The following PKHD1 variants were observed in gnomAD, a reference collection of about 807,000 sequenced individuals.
PKHD1 encodes PKHD1 ciliary IPT domain containing fibrocystin/polyductin, also known as fibrocystin.
PKHD1 carries 291 observed loss-of-function variants against 412.0 expected under a neutral mutation model. The observed-to-expected ratio is 0.71, with a 90% confidence interval of 0.64 to 0.78. PKHD1 has a LOEUF of 0.78. Among genes scored for constraint, PKHD1 ranks in the 30% least tolerant of loss-of-function variants. The pLI, the probability that PKHD1 is intolerant of heterozygous loss-of-function variation, is 0.00. For synonymous variants in PKHD1, 1,777 were observed against 1,821.5 expected (o/e 0.98, Z 0.62); for missense variants, 4,825 against 4,950.7 (o/e 0.97, Z 0.76).
rs1472621368 is a variant in PKHD1 at position 51,906,146 on chromosome 6, G to A, written c.6808+69C>T. The A allele has an allele frequency of 3.0e-6, 4 of 1,312,434 alleles. No homozygotes were observed. In the East Asian group the frequency reaches 6.9e-5, roughly 23 times the overall value. The allele number at this position is 1,312,434 out of a possible 1,614,324, so 81.3% of individuals were successfully genotyped here. On this transcript the variant is annotated intron_variant, in intron 41 of 66. Transcript: ENST00000371117. Reference sequence around the variant, plus strand: ...TATAAATTAGGAATTAGAAATTTGGGGAGAATTCATTGTGAAAAACTGTGT... The same window carrying A: ...TATAAATTAGGAATTAGAAATTTGGAGAGAATTCATTGTGAAAAACTGTGT...
rs59379021 is a variant in PKHD1 at position 51,777,679 on chromosome 6, GAAAAA to G, written c.8441-1763_8441-1759del. Among the ~76,000 whole-genome samples the G allele has an allele frequency of 2.2e-3, 255 of 118,566 alleles. 1 individual carries two copies. The highest frequency in any genetic ancestry group is 7.9e-3 in the African/African-American group (230 of 29,054). The allele number at this position is 118,566 out of a possible 152,430, so 77.8% of individuals were successfully genotyped here. A position where few individuals can be genotyped will look rare whatever the true frequency, so the allele number is the denominator to read the frequency against. ...ACGGAGGGTAGTTTAGAGTCTTTGGGAAAAAAAAAAAAAAAAAAAAAAAAAAAAAA... is the reference window on the plus strand; with the variant it reads ...ACGGAGGGTAGTTTAGAGTCTTTGGGAAAAAAAAAAAAAAAAAAAAAAAAA... On this transcript the variant is annotated intron_variant, in intron 53 of 66. Coordinates refer to ENST00000371117, the MANE Select transcript of PKHD1 (RefSeq NM_138694.4).
At chr6:51,794,761 CATTT>C (rs1399761558) in intron 52 of PKHD1, among the ~76,000 whole-genome samples, 3 of 152,198 alleles carry the variant, frequency 2.0e-5, no homozygotes, top group Non-Finnish European at 4.4e-5. Flanking sequence ...CTCCCAGCAT[CATTT>C]ATTAAACAGA....
chr6:51,690,602 T>C (rs1431164624), intron 60 of PKHD1, among the ~76,000 whole-genome samples: 1 of 152,168 alleles, frequency 6.6e-6, no homozygotes, highest in Non-Finnish European at 1.5e-5. Context: ...CTGGGAGAAC[T>C]GGCTAGCAAC....
chr6:51,901,956 T>TC (rs1245019347), intron 43 of PKHD1, among the ~76,000 whole-genome samples: 5 of 152,172 alleles, frequency 3.3e-5, no homozygotes, highest in African/African-American at 1.2e-4. Context: ...TTGCAAAGGC[T>TC]CACACCACCC....
chr6:52,082,574 T>G (rs778102351), intron 3 of PKHD1, 32 bp from the exon 4 acceptor site: 1 of 1,611,014 alleles, frequency 6.2e-7, no homozygotes, highest in Non-Finnish European at 8.5e-7. Context: ...TCAGGCTGCA[T>G]AGAATTGTCA....
chr6:51,782,734 T>C (rs1792231941), intron 53 of PKHD1, among the ~76,000 whole-genome samples: 1 of 152,182 alleles, frequency 6.6e-6, no homozygotes, highest in African/African-American at 2.4e-5. Flanking sequence ...ACATACTTTT[T>C]TAACTTTGTA....
At chr6:51,857,925 C>G (rs367735440) in intron 48 of PKHD1, among the ~76,000 whole-genome samples, 7 of 152,184 alleles carry the variant, frequency 4.6e-5, no homozygotes, top group African/African-American at 1.7e-4. Flanking sequence ...TCAGATTTCC[C>G]TATGCAGCAT....
intron 45 of PKHD1, among the ~76,000 whole-genome samples, chr6:51,884,929 C>G (rs1777969769): frequency 6.6e-6 from 1 of 152,306 alleles, no homozygotes; most frequent in East Asian, 1.9e-4. Flanking sequence ...ATACTAAATA[C>G]ATTTCGGACT....
At chr6:51,989,939 G>A (rs1467662815) in intron 35 of PKHD1, among the ~76,000 whole-genome samples, 2 of 114,298 alleles carry the variant, frequency 1.7e-5, no homozygotes, top group Admixed American at 8.7e-5. Context: ...AAGGAAAGAA[G>A]GAAGGAAGAA....
Position 51,626,845 on chromosome 6 carries a change from T to C in PKHD1, c.11785+152A>G, listed in dbSNP as rs1767296804. On this transcript the variant is annotated intron_variant, in intron 66 of 66. Transcript: ENST00000371117. The stretch of plus-strand genomic sequence containing the variant: ...AACCAGCCAGACCTGTGTATTTTTC[T>C]GCTGGGGTATAATTTCTTTGAAGGA... The C allele has an allele frequency of 1.1e-5, 8 of 760,252 alleles. No homozygotes were observed. In the Admixed American group the frequency reaches 1.6e-4, roughly 15 times the overall value. 47.1% of individuals were successfully genotyped at this position (760,252 alleles called of 1,614,324 possible).
chr6:51,962,412 T>C (rs921791377), intron 35 of PKHD1, among the ~76,000 whole-genome samples: 18 of 152,172 alleles, frequency 1.2e-4, no homozygotes, highest in African/African-American at 3.6e-4. Flanking sequence ...ATATCTGTTA[T>C]CTAGCTCTCA....
At chr6:51,784,465 A>C (rs778036583) in intron 53 of PKHD1, among the ~76,000 whole-genome samples, 6 of 152,240 alleles carry the variant, frequency 3.9e-5, no homozygotes, top group Non-Finnish European at 5.9e-5. Flanking sequence ...GATTTGCAAC[A>C]TCACAGTTAT....
intron 60 of PKHD1, among the ~76,000 whole-genome samples, chr6:51,701,567 C>T (rs112057412): frequency 2.0e-5 from 3 of 152,002 alleles, no homozygotes; most frequent in Non-Finnish European, 4.4e-5. Flanking sequence ...TTTCCTAAAA[C>T]TGGGCAGCTA....
intron 35 of PKHD1, among the ~76,000 whole-genome samples, chr6:51,990,172 T>A (rs886753592): frequency 1.3e-5 from 2 of 151,798 alleles, no homozygotes; most frequent in African/African-American, 4.8e-5. Flanking sequence ...CTCATGCCAG[T>A]AACTAGATAA....
intron 35 of PKHD1, among the ~76,000 whole-genome samples, chr6:51,979,970 T>C (rs1794933710): frequency 6.6e-6 from 1 of 152,188 alleles, no homozygotes; most frequent in Non-Finnish European, 1.5e-5. Context: ...TGCCCACTGC[T>C]TTTGTGCTCC....
At chr6:51,636,996 T>A (rs1389265122) in intron 64 of PKHD1, among the ~76,000 whole-genome samples, 2 of 152,200 alleles carry the variant, frequency 1.3e-5, no homozygotes, top group African/African-American at 2.4e-5. Flanking sequence ...TAGTTCTTTT[T>A]ACAGGCTGTA....
intron 53 of PKHD1, among the ~76,000 whole-genome samples, chr6:51,789,413 T>C (rs973843780): frequency 2.2e-4 from 34 of 152,078 alleles, no homozygotes; most frequent in African/African-American, 8.2e-4. Context: ...TATATATACA[T>C]GTATATCTAT....
chr6:52,039,118 A>T (rs539061590), intron 27 of PKHD1, among the ~76,000 whole-genome samples: 1 of 152,370 alleles, frequency 6.6e-6, no homozygotes, highest in South Asian at 2.1e-4. Context: ...GCCAATAAGC[A>T]CATGAAAAGA....
intron 53 of PKHD1, among the ~76,000 whole-genome samples, chr6:51,781,423 G>A (rs1267039514): frequency 6.6e-6 from 1 of 152,056 alleles, no homozygotes; most frequent in East Asian, 1.9e-4. Flanking sequence ...CATTTTTAAT[G>A]AGGCCTCTCA....
Sources: gnomAD v4.1 joint callset for allele counts (sites outside exome capture counted in the v4.1 genomes callset) on GRCh38, gnomAD v4.1.1 for gene constraint, MANE v1.5 for transcripts, NCBI Gene and HGNC (gene_info 2026-07-23, HGNC 2026-07-21) for gene names.